The following PHLPP1 variants were observed in gnomAD, a reference collection of about 807,000 sequenced individuals.
The protein encoded by PHLPP1 is PH domain and leucine rich repeat protein phosphatase 1, also known as PH domain leucine-rich repeat-containing protein phosphatase 1.
Under a neutral mutation model 117.2 loss-of-function variants are expected in PHLPP1, and 42 were observed. The observed-to-expected ratio is 0.36, with a 90% CI of 0.28 to 0.46. The LOEUF (loss-of-function observed/expected upper bound fraction) is 0.46. PHLPP1 is among the 20% of genes least tolerant of loss of function. The pLI, the probability that PHLPP1 is intolerant of heterozygous loss-of-function variation, is 1.00. For missense variants in PHLPP1, 2,084 were observed against 2,241.9 expected (o/e 0.93, Z 1.42); for synonymous variants, 1,042 against 970.7 (o/e 1.07, Z -1.37).
At chr18:62,770,722 T>C (rs919306043) in intron 1 of PHLPP1, among the ~76,000 whole-genome samples, 1 of 152,054 alleles carries the variant, frequency 6.6e-6, no homozygotes, top group African/African-American at 2.4e-5. Context: ...GGAAGTGTTT[T>C]GGATTTTGGA....
At chr18:62,844,319 A>G (rs980764604) in intron 3 of PHLPP1, among the ~76,000 whole-genome samples, 25 of 152,342 alleles carry the variant, frequency 1.6e-4, no homozygotes, top group Non-Finnish European at 8.8e-5. Flanking sequence ...AGCCTGGGCG[A>G]CAGAGCAAGA....
intron 4 of PHLPP1, among the ~76,000 whole-genome samples, chr18:62,863,844 T>A (rs1202290705): frequency 1.3e-5 from 2 of 152,158 alleles, no homozygotes; most frequent in African/African-American, 2.4e-5. Flanking sequence ...GCTGACCTCC[T>A]ATTTCATCCT....
At chr18:62,955,248 C>T (rs1219871655) in intron 12 of PHLPP1, among the ~76,000 whole-genome samples, 1 of 152,140 alleles carries the variant, frequency 6.6e-6, no homozygotes, top group Non-Finnish European at 1.5e-5. Context: ...ATGGGTGGAA[C>T]ATGGAGTGTG....
intron 1 of PHLPP1, among the ~76,000 whole-genome samples, chr18:62,723,285 G>A (rs1445745845): frequency 1.3e-5 from 2 of 152,146 alleles, no homozygotes; most frequent in Non-Finnish European, 2.9e-5. Context: ...CAGAATTTTG[G>A]CATATTTTTT....
chr18:62,739,230 C>T (rs746726882), intron 1 of PHLPP1, among the ~76,000 whole-genome samples: 5 of 152,064 alleles, frequency 3.3e-5, no homozygotes, highest in Non-Finnish European at 5.9e-5. Flanking sequence ...GAAGCAACTC[C>T]GAAGAATGCC....
intron 5 of PHLPP1, among the ~76,000 whole-genome samples, chr18:62,895,375 G>A (rs1177305920): frequency 6.6e-6 from 1 of 152,224 alleles, no homozygotes; most frequent in African/African-American, 2.4e-5. Context: ...GTTTAGAACT[G>A]AAGATCCCTA....
At chr18:62,924,659 C>A (rs1335859129) in intron 10 of PHLPP1, among the ~76,000 whole-genome samples, 1 of 136,178 alleles carries the variant, frequency 7.3e-6, no homozygotes, top group East Asian at 2.1e-4. Context: ...CATGGCAAGA[C>A]CCTGTCACTA....
chr18:62,718,178 T>C (rs1910817665), intron 1 of PHLPP1, among the ~76,000 whole-genome samples: 1 of 152,250 alleles, frequency 6.6e-6, no homozygotes, highest in African/African-American at 2.4e-5. Context: ...TAAGTAGTTT[T>C]ACATCCCTTT....
At chr18:62,817,415 A>C (rs567740529) in intron 1 of PHLPP1, among the ~76,000 whole-genome samples, 1 of 152,248 alleles carries the variant, frequency 6.6e-6, no homozygotes, top group African/African-American at 2.4e-5. Context: ...GCATATGTGT[A>C]TATGTAGGTA....
At chr18:62,918,579 G>A (rs1044234324) in intron 9 of PHLPP1, among the ~76,000 whole-genome samples, 8 of 152,038 alleles carry the variant, frequency 5.3e-5, no homozygotes, top group South Asian at 2.1e-4. Flanking sequence ...TGCCAACTCA[G>A]GGATCTTTAA....
intron 3 of PHLPP1, among the ~76,000 whole-genome samples, chr18:62,852,986 C>T (rs1915397626): frequency 6.6e-6 from 1 of 152,114 alleles, no homozygotes; most frequent in South Asian, 2.1e-4. Flanking sequence ...TGCAACCCAG[C>T]TACACTCAGA....
chr18:62,721,456 G>GTA (rs919491742), intron 1 of PHLPP1, among the ~76,000 whole-genome samples: 4 of 151,686 alleles, frequency 2.6e-5, no homozygotes, highest in African/African-American at 7.3e-5. Flanking sequence ...GTGTGTGTGT[G>GTA]TATGTGTGAC....
chr18:62,802,914 A>C (rs1913827543), intron 1 of PHLPP1, among the ~76,000 whole-genome samples: 1 of 152,212 alleles, frequency 6.6e-6, no homozygotes, highest in South Asian at 2.1e-4. Flanking sequence ...CAGGCAGGGC[A>C]AGTTGGTAAG....
At chr18:62,972,390 TA>T in intron 14 of PHLPP1, 123 bp from the exon 15 acceptor site, 1 of 800,556 alleles carries the variant, frequency 1.2e-6, no homozygotes, top group Non-Finnish European at 1.9e-6. Context: ...TACCTGCCCT[TA>T]ATCTGTCTGG....
chr18:62,871,644 ATTT>A (rs71160879), intron 4 of PHLPP1, among the ~76,000 whole-genome samples: 15 of 108,610 alleles, frequency 1.4e-4, no homozygotes, highest in Middle Eastern at 8.3e-3. Flanking sequence ...AGCTCTGAAA[ATTT>A]TTTTTTTTTT....
chr18:62,816,047 C>T (rs1478581520), intron 1 of PHLPP1, among the ~76,000 whole-genome samples: 1 of 152,076 alleles, frequency 6.6e-6, no homozygotes, highest in Non-Finnish European at 1.5e-5. Flanking sequence ...CTACTTTAAC[C>T]AGTTTCCTTT....
intron 12 of PHLPP1, 50 bp downstream of exon 12, chr18:62,945,321 T>G (rs1000849060): frequency 1.4e-6 from 2 of 1,476,644 alleles, no homozygotes; most frequent in Non-Finnish European, 1.8e-6. Flanking sequence ...GCAAAGAAAG[T>G]TGACTTCCTA....
intron 1 of PHLPP1, among the ~76,000 whole-genome samples, chr18:62,780,672 G>C (rs1913094588): frequency 6.6e-6 from 1 of 152,208 alleles, no homozygotes; most frequent in Non-Finnish European, 1.5e-5. Flanking sequence ...AGTGGGACCT[G>C]AGAACTTGGG....
chr18:62,822,562 G>A (rs773122362), intron 1 of PHLPP1, among the ~76,000 whole-genome samples: 5 of 152,066 alleles, frequency 3.3e-5, no homozygotes, highest in African/African-American at 7.2e-5. Context: ...GGGATTACAG[G>A]CGTGAGCCAC....
Sources: allele counts gnomAD v4.1 joint callset (sites outside exome capture counted in the v4.1 genomes callset), GRCh38; gene constraint gnomAD v4.1.1; transcripts MANE v1.5; gene names NCBI Gene and HGNC (gene_info 2026-07-23, HGNC 2026-07-21).